FMN1: variants seen among roughly 807,000 people sequenced by gnomAD.
FMN1 encodes formin 1, also known as formin-1.
Under a neutral mutation model 132.4 loss-of-function variants are expected in FMN1, and 110 were observed. The ratio of observed to expected loss-of-function variants is 0.83; its 90% CI spans 0.71 to 0.97. FMN1 has a LOEUF of 0.97. Among genes scored for constraint, FMN1 ranks in the 50% least tolerant of loss-of-function variants. FMN1 has a pLI of 0.00. For missense variants in FMN1, 1,792 were observed against 1,705.3 expected (o/e 1.05, Z -0.90); for synonymous variants, 722 against 651.7 (o/e 1.11, Z -1.64).
At chr15:32,854,479 T>C (rs968853221) in intron 17 of FMN1, among the ~76,000 whole-genome samples, 1 of 152,260 alleles carries the variant, frequency 6.6e-6, no homozygotes, top group African/African-American at 2.4e-5. Context: ...AATGGTAATG[T>C]TTCCTTCAAA....
intron 7 of FMN1, among the ~76,000 whole-genome samples, chr15:32,979,297 T>C (rs1305746310): frequency 6.6e-6 from 1 of 152,134 alleles, no homozygotes. Context: ...GGTTCACACC[T>C]GTAATCCCAG....
intron 16 of FMN1, among the ~76,000 whole-genome samples, chr15:32,875,612 A>G (rs2059618170): frequency 6.6e-6 from 1 of 152,152 alleles, no homozygotes; most frequent in African/African-American, 2.4e-5. Flanking sequence ...AGGTTGAGCT[A>G]TCTGGGAAAG....
intron 12 of FMN1, 105 bp from the exon 13 acceptor site, chr15:32,902,145 T>C (rs986853072): frequency 2.6e-5 from 25 of 944,730 alleles, no homozygotes; most frequent in Non-Finnish European, 3.6e-5. Flanking sequence ...CCTAACAATC[T>C]CAACAATTAT....
chr15:32,928,405 T>C (rs2061017992), intron 9 of FMN1, among the ~76,000 whole-genome samples: 1 of 152,116 alleles, frequency 6.6e-6, no homozygotes, highest in Non-Finnish European at 1.5e-5. Flanking sequence ...GAACCCAAAT[T>C]TAAAGTCAAA....
At chr15:32,983,417 T>C (rs2032835650) in intron 7 of FMN1, among the ~76,000 whole-genome samples, 2 of 152,234 alleles carry the variant, frequency 1.3e-5, no homozygotes, top group African/African-American at 2.4e-5. Context: ...GGAAATGTTC[T>C]ACATCCTGAT....
chr15:32,832,925 G>A (rs1394935221), intron 17 of FMN1, among the ~76,000 whole-genome samples: 1 of 152,092 alleles, frequency 6.6e-6, no homozygotes, highest in African/African-American at 2.4e-5. Flanking sequence ...GAGGTAGGAA[G>A]TAGGGTAGAC....
intron 15 of FMN1, among the ~76,000 whole-genome samples, chr15:32,896,380 G>C (rs2060156089): frequency 6.6e-6 from 1 of 151,732 alleles, no homozygotes; most frequent in East Asian, 1.9e-4. Flanking sequence ...AATTTTGACT[G>C]GTACTTCCAA....
chr15:32,899,726 T>C (rs756554834), intron 14 of FMN1: 2 of 524,832 alleles, frequency 3.8e-6, no homozygotes, highest in East Asian at 3.4e-5. Context: ...CAATACCTGA[T>C]TGTGTATGTC....
chr15:32,962,497 C>G (rs1449241371), intron 9 of FMN1, among the ~76,000 whole-genome samples: 1 of 151,530 alleles, frequency 6.6e-6, no homozygotes, highest in African/African-American at 2.4e-5. Context: ...CAAATGGGAT[C>G]TAATTAAACT....
chr15:32,952,882 G>A (rs1159089305), intron 9 of FMN1, among the ~76,000 whole-genome samples: 1 of 152,186 alleles, frequency 6.6e-6, no homozygotes, highest in Non-Finnish European at 1.5e-5. Flanking sequence ...GGATCAAAAT[G>A]CCCAATAGGT....
chr15:32,868,915 G>A (rs1463725502), intron 16 of FMN1, among the ~76,000 whole-genome samples: 3 of 152,124 alleles, frequency 2.0e-5, no homozygotes, highest in East Asian at 3.9e-4. Flanking sequence ...TGAGAAACAA[G>A]GAAATGAACA....
chr15:32,927,557 C>A (rs568186766), intron 9 of FMN1, among the ~76,000 whole-genome samples: 1 of 152,296 alleles, frequency 6.6e-6, no homozygotes, highest in South Asian at 2.1e-4. Context: ...CCACACTTGG[C>A]CTTAAAATTA....
At chr15:33,173,837 G>C (rs543663629) in intron 3 of FMN1, among the ~76,000 whole-genome samples, 8 of 152,314 alleles carry the variant, frequency 5.3e-5, no homozygotes, top group African/African-American at 1.9e-4. Context: ...GCTGAGGCAG[G>C]AGAATCGCTT....
chr15:32,885,314 T>G (rs1206861883), intron 16 of FMN1, among the ~76,000 whole-genome samples: 1 of 152,228 alleles, frequency 6.6e-6, no homozygotes, highest in African/African-American at 2.4e-5. Context: ...TGTGTATATA[T>G]GTTCAGTAAC....
chr15:33,182,615 G>T (rs1287584883), intron 2 of FMN1, among the ~76,000 whole-genome samples: 1 of 152,202 alleles, frequency 6.6e-6, no homozygotes, highest in African/African-American at 2.4e-5. Flanking sequence ...GTGAAGGAAG[G>T]AAGTGTTAGG....
rs868126577 is a variant in FMN1 at position 33,047,903 on chromosome 15, G to T, written c.2161+17054C>A. The stretch of plus-strand genomic sequence containing the variant: ...AAAAAAAACTTAGAAACTAGTAAAT[G>T]AAAAATCTTACAACTATTGGATCTT... On this transcript the variant is annotated intron_variant, in intron 6 of 20. Coordinates refer to ENST00000616417, the MANE Select transcript of FMN1 (RefSeq NM_001277313.2). Among the ~76,000 whole-genome samples, 38 of 152,096 alleles carry T rather than the reference G, an allele frequency of 2.5e-4. No homozygotes were observed. The South Asian group carries it at 5.2e-3, about 21-fold the overall frequency.
intron 6 of FMN1, among the ~76,000 whole-genome samples, chr15:33,048,675 C>A (rs1199478779): frequency 1.4e-5 from 1 of 72,896 alleles, no homozygotes; most frequent in East Asian, 2.8e-4. Context: ...ACTTACAGTT[C>A]CACATGGCTG....
chr15:33,189,329 T>C (rs1465693795), intron 2 of FMN1, among the ~76,000 whole-genome samples: 1 of 152,226 alleles, frequency 6.6e-6, no homozygotes, highest in South Asian at 2.1e-4. Context: ...GCCAATTCTG[T>C]AGATGAAATC....
At position 33,192,373 on chromosome 15, in the gene FMN1, G is replaced by T. The variant is rs149158058; in HGVS notation, c.-197+1536C>A. Reference sequence around the variant, plus strand: ...GACCAGGATATGAGACCTACCCTTAGACAATCATAGGTCCTATGGGACCCC... The same window carrying T: ...GACCAGGATATGAGACCTACCCTTATACAATCATAGGTCCTATGGGACCCC... On this transcript the variant is annotated intron_variant, in intron 2 of 20. Transcript: ENST00000616417. 2.0e-5 allele frequency among the ~76,000 whole-genome samples: 3 copies of T among 152,340 alleles called. No homozygotes were observed. The East Asian group carries it at 5.8e-4, about 29-fold the overall frequency.
Sources: gnomAD v4.1 joint callset for allele counts (sites outside exome capture counted in the v4.1 genomes callset) on GRCh38, gnomAD v4.1.1 for gene constraint, MANE v1.5 for transcripts, NCBI Gene and HGNC (gene_info 2026-07-23, HGNC 2026-07-21) for gene names.